MTMR9: variants seen among roughly 807,000 people sequenced by gnomAD.
MTMR9 encodes the protein myotubularin-related protein 9.
A neutral mutation model predicts 69.5 loss-of-function variants in MTMR9; 39 were observed. The observed-to-expected ratio is 0.56, with a 90% confidence interval of 0.43 to 0.73. The LOEUF (loss-of-function observed/expected upper bound fraction) is 0.73, where lower values mean the gene tolerates loss of function less well. MTMR9 is among the 30% of genes least tolerant of loss of function. The probability of loss-of-function intolerance (pLI) is 0.00; values close to 1 mark genes in which losing one functional copy is unlikely to be tolerated. For synonymous variants in MTMR9, 354 were observed against 240.8 expected, an observed-to-expected ratio of 1.47 and a Z score of -4.35; for missense variants, 900 against 671.2, an observed-to-expected ratio of 1.34 and a Z score of -3.77.
rs141612209 is a variant in MTMR9 at position 11,288,649 on chromosome 8, C to G, written c.182+3579C>G. Among the ~76,000 whole-genome samples the G allele has an allele frequency of 4.9e-3, 744 of 152,184 alleles. 6 individuals are homozygous for G. The highest frequency in any genetic ancestry group is 6.8e-3 in the Middle Eastern group (2 of 294). ...GCTGCAGGGCAGGGAACAGAGAGTACAGGAAGTTGATGGTAGAGACTGGCT... is the reference window on the plus strand; with the variant it reads ...GCTGCAGGGCAGGGAACAGAGAGTAGAGGAAGTTGATGGTAGAGACTGGCT... On this transcript the variant is annotated intron_variant, in intron 1 of 9. Coordinates refer to ENST00000221086, the MANE Select transcript of MTMR9 (RefSeq NM_015458.4).
chr8:11,309,106 G>A (rs1014254925), intron 5 of MTMR9, among the ~76,000 whole-genome samples: 1 of 152,172 alleles, frequency 6.6e-6, no homozygotes, highest in African/African-American at 2.4e-5. Context: ...GGGTGAATGG[G>A]AGCTGTAGCT....
At chr8:11,314,737 G>A (rs930049228) in intron 6 of MTMR9, among the ~76,000 whole-genome samples, 186 bp from the exon 7 acceptor site, 6 of 152,120 alleles carry the variant, frequency 3.9e-5, no homozygotes, top group African/African-American at 7.2e-5. Flanking sequence ...CTTATCTATC[G>A]TATGCCTTAG....
chr8:11,311,854 C>T (rs990099953), intron 6 of MTMR9, among the ~76,000 whole-genome samples: 8 of 151,688 alleles, frequency 5.3e-5, no homozygotes, highest in African/African-American at 1.9e-4. Context: ...ACTGCTTTAT[C>T]ACCTAAGTTG....
intron 1 of MTMR9, among the ~76,000 whole-genome samples, chr8:11,290,609 TTCTA>T (rs1053031306): frequency 2.0e-5 from 3 of 152,138 alleles, no homozygotes; most frequent in Non-Finnish European, 4.4e-5. Context: ...TTAATTTGGA[TTCTA>T]TCTTTGTTTC....
chr8:11,317,708 C>T (rs1260487886), intron 8 of MTMR9: 2 of 152,290 alleles, frequency 1.3e-5, no homozygotes, highest in African/African-American at 4.8e-5. Context: ...TCCTCAGGCC[C>T]AGAGTGGCAA....
chr8:11,331,056 G>A, downstream of MTMR9: 4 of 1,547,104 alleles, frequency 2.6e-6, no homozygotes, highest in Non-Finnish European at 3.5e-6. Context: ...CTGGAGCTCT[G>A]AGGGGCCCAG....
intron 9 of MTMR9, among the ~76,000 whole-genome samples, chr8:11,321,894 T>G (rs1227730503): frequency 6.6e-6 from 1 of 152,186 alleles, no homozygotes; most frequent in Non-Finnish European, 1.5e-5. Context: ...CATAAAACCT[T>G]TGTGAACTTG....
At chr8:11,298,075 C>T (rs1799620521) in intron 2 of MTMR9, 1 of 369,154 alleles carries the variant, frequency 2.7e-6, no homozygotes, top group Non-Finnish European at 5.5e-6. Flanking sequence ...CTGGCAAGTG[C>T]TCAGTTATCT....
In MTMR9 at chr8:11,322,611, C is replaced by T. The variant is rs190842021; in HGVS notation, c.1487-14C>T. Reference sequence around the variant, plus strand: ...ACCTTTCTTGCTTCTGTTTTCCATTCCTGGATTCAATAGGTATTTTCCTAC... The same window carrying T: ...ACCTTTCTTGCTTCTGTTTTCCATTTCTGGATTCAATAGGTATTTTCCTAC... On this transcript the variant is annotated splice_polypyrimidine_tract_variant and intron_variant, in intron 9 of 9. Coordinates refer to ENST00000221086, the MANE Select transcript of MTMR9 (RefSeq NM_015458.4). 14 of 1,610,852 alleles carry T rather than the reference C, an allele frequency of 8.7e-6. No homozygotes were observed. Among genetic ancestry groups the T allele is most frequent in the East Asian group, 6.7e-5 (3 of 44,812 alleles).
At chr8:11,299,958 T>A in intron 2 of MTMR9, 65 bp from the exon 3 acceptor site, 1 of 1,560,486 alleles carries the variant, frequency 6.4e-7, no homozygotes. Flanking sequence ...TACTAATTTG[T>A]CAGTTAGAAT....
intron 1 of MTMR9, among the ~76,000 whole-genome samples, chr8:11,290,714 A>G (rs1305602918): frequency 6.6e-6 from 1 of 152,126 alleles, no homozygotes; most frequent in African/African-American, 2.4e-5. Context: ...GTTTATGTCA[A>G]GTTATCCTAT....
At chr8:11,339,433 C>T in the MTMR9 span, among the ~76,000 whole-genome samples, 1 of 152,226 alleles carries the variant, frequency 6.6e-6, no homozygotes. Flanking sequence ...AATCATTTGG[C>T]TATTCTATAG....
chr8:11,309,941 G>GTT (rs533271729), intron 6 of MTMR9, among the ~76,000 whole-genome samples: 2 of 147,864 alleles, frequency 1.4e-5, no homozygotes, highest in South Asian at 2.2e-4. Context: ...TAATGGACCC[G>GTT]TTTTTTTTTT....
At chr8:11,295,351 A>T in intron 2 of MTMR9, 49 bp downstream of exon 2, 2 of 1,035,572 alleles carry the variant, frequency 1.9e-6, no homozygotes, top group Non-Finnish European at 3.0e-6. Context: ...TTATATTATG[A>T]CTCAGTGTAG....
intron 1 of MTMR9, among the ~76,000 whole-genome samples, chr8:11,287,049 C>A (rs1290064862): frequency 6.6e-6 from 1 of 152,216 alleles, no homozygotes; most frequent in South Asian, 2.1e-4. Flanking sequence ...CAGGAGTTCA[C>A]AGGCAATGAG....
At chr8:11,331,305 C>A (rs1431569238), downstream of MTMR9, 1 of 1,614,018 alleles carries the variant, frequency 6.2e-7, no homozygotes, top group South Asian at 1.1e-5. Context: ...GGGTTCCAAC[C>A]TGCCCTCGCT....
At chr8:11,307,058 T>A (rs1383071818) in intron 5 of MTMR9, among the ~76,000 whole-genome samples, 1 of 152,186 alleles carries the variant, frequency 6.6e-6, no homozygotes, top group Non-Finnish European at 1.5e-5. Flanking sequence ...ATGACAGGCT[T>A]CCCCTCTTTT....
chr8:11,330,228 C>A (rs1801154871), downstream of MTMR9, among the ~76,000 whole-genome samples: 2 of 151,536 alleles, frequency 1.3e-5, no homozygotes, highest in African/African-American at 4.8e-5. Flanking sequence ...GGCCAGCCGC[C>A]CCGTCCGGGA....
At chr8:11,305,122 G>A (rs1172858068) in intron 4 of MTMR9, 108 bp downstream of exon 4, 2 of 1,077,724 alleles carry the variant, frequency 1.9e-6, no homozygotes, top group Non-Finnish European at 1.3e-6. Context: ...TGATTGTCCA[G>A]GTCTCCACCA....
Sources: allele counts gnomAD v4.1 joint callset (sites outside exome capture counted in the v4.1 genomes callset), GRCh38; gene constraint gnomAD v4.1.1; transcripts MANE v1.5; gene names NCBI Gene and HGNC (gene_info 2026-07-23, HGNC 2026-07-21).